The following MME variants were observed in gnomAD, a reference collection of about 807,000 sequenced individuals.
The protein encoded by MME is neprilysin.
MME carries 98 observed loss-of-function variants against 113.2 expected under a neutral mutation model. That is an observed-to-expected ratio of 0.87 (90% confidence interval 0.74 to 1.02). The LOEUF is 1.02. Among genes scored for constraint, MME ranks in the 50% least tolerant of loss-of-function variants. MME has a pLI of 0.00. For missense variants in MME, 836 were observed against 896.0 expected (o/e 0.93, Z 0.86); for synonymous variants, 292 against 300.6 (o/e 0.97, Z 0.30).
chr3:155,156,869 T>C (rs572224021), intron 16 of MME, among the ~76,000 whole-genome samples: 11 of 152,068 alleles, frequency 7.2e-5, no homozygotes, highest in Non-Finnish European at 1.0e-4. Context: ...GTTTTTAAGT[T>C]ACACAAGAGT....
chr3:155,157,094 C>G (rs1051928094), intron 16 of MME, among the ~76,000 whole-genome samples: 5 of 152,098 alleles, frequency 3.3e-5, no homozygotes, highest in African/African-American at 1.2e-4. Flanking sequence ...TATTCCCCAC[C>G]CACATTGTTA....
At chr3:155,071,953 A>C (rs1714576940) in intron 1 of MME, among the ~76,000 whole-genome samples, 2 of 151,936 alleles carry the variant, frequency 1.3e-5, no homozygotes, top group South Asian at 4.2e-4. Context: ...TGAGGTCAGG[A>C]GATAGAGACC....
intron 1 of MME, among the ~76,000 whole-genome samples, chr3:155,037,928 G>A (rs1713178045): frequency 6.6e-6 from 1 of 152,154 alleles, no homozygotes; most frequent in African/African-American, 2.4e-5. Flanking sequence ...CTCTTTAGCT[G>A]CGTGTGTGTT....
At chr3:155,113,939 T>A (rs1426428006) in intron 3 of MME, among the ~76,000 whole-genome samples, 1 of 152,050 alleles carries the variant, frequency 6.6e-6, no homozygotes, top group Non-Finnish European at 1.5e-5. Context: ...CAAGCAAACA[T>A]GCCAAAAAAG....
intron 3 of MME, among the ~76,000 whole-genome samples, chr3:155,086,013 A>G: frequency 6.6e-6 from 1 of 152,208 alleles, no homozygotes; most frequent in East Asian, 1.9e-4. Context: ...GTAATACAGG[A>G]GAAACAGATA....
rs1254574794 is a variant in MME at position 155,174,537 on chromosome 3, T to TA, written c.2153+1932dup. 4.6e-5 allele frequency among the ~76,000 whole-genome samples: 7 copies of TA among 152,174 alleles called. No homozygotes were observed. The South Asian group carries it at 1.0e-3, about 23-fold the overall frequency. Reference sequence around the variant, plus strand: ...GCTGTACAAAGTAAAACATATTTTTTAAAAAAACTTTAAAAATTAATAGAT... The same window carrying TA: ...GCTGTACAAAGTAAAACATATTTTTTAAAAAAAACTTTAAAAATTAATAGAT... On this transcript the variant is annotated intron_variant, in intron 22 of 22. Coordinates refer to ENST00000360490, the MANE Select transcript of MME (RefSeq NM_007289.4).
intron 1 of MME, among the ~76,000 whole-genome samples, chr3:155,071,707 G>GA (rs1714562789): frequency 1.3e-5 from 2 of 152,136 alleles, no homozygotes. Context: ...CTATCTCAAT[G>GA]AAGTGACAGA....
In MME at chr3:155,180,642, A is replaced by AG. The variant is rs759532368; in HGVS notation, c.*188dup. 21 of 619,958 alleles carry AG rather than the reference A, an allele frequency of 3.4e-5. No homozygotes were observed. The highest frequency in any genetic ancestry group is 5.3e-5 in the Non-Finnish European group (18 of 337,948). 38.4% of individuals were successfully genotyped at this position (619,958 alleles called of 1,614,324 possible). A position where few individuals can be genotyped will look rare whatever the true frequency, so the allele number is the denominator to read the frequency against. ...TCCTAGAAAGGGTGTGGAGGGAGGAAGGGGGTCTAAGGTCTATCAAGTCAA... is the reference window on the plus strand; with the variant it reads ...TCCTAGAAAGGGTGTGGAGGGAGGAAGGGGGGTCTAAGGTCTATCAAGTCAA... On this transcript the variant is annotated 3_prime_UTR_variant, in exon 23 of 23. Coordinates refer to ENST00000360490, the MANE Select transcript of MME (RefSeq NM_007289.4).
intron 1 of MME, among the ~76,000 whole-genome samples, chr3:155,047,826 G>A (rs928910800): frequency 1.3e-5 from 2 of 152,124 alleles, no homozygotes; most frequent in Non-Finnish European, 2.9e-5. Flanking sequence ...GTAGAAGCCA[G>A]TCCGATTCAG....
intron 1 of MME, among the ~76,000 whole-genome samples, chr3:155,036,789 T>C (rs772932821): frequency 6.6e-6 from 1 of 152,154 alleles, no homozygotes; most frequent in Non-Finnish European, 1.5e-5. Context: ...ATAGTTTGTG[T>C]ATTTAATTTT....
chr3:155,077,522 T>A (rs1714789428), upstream of MME, among the ~76,000 whole-genome samples: 1 of 152,160 alleles, frequency 6.6e-6, no homozygotes, highest in Non-Finnish European at 1.5e-5. Flanking sequence ...AGATTTAGCA[T>A]TCTTGATTTA....
In MME at chr3:155,142,032, T is replaced by C. The variant is rs747408124; in HGVS notation, c.999T>C (p.Thr333=). The stretch of plus-strand genomic sequence containing the variant: ...ATTTCACAAATGAAATCATGTCAAC[T>C]GTGAATATTAGTATTACAAATGAGG... ...WLNFTNEIMS[T]VNISITNEED... The change falls in exon 11 of 23, where the codon ACT becomes ACC. Residue 333 remains threonine, a synonymous_variant. Coordinates refer to ENST00000360490, the MANE Select transcript of MME (RefSeq NM_007289.4). The C allele has an allele frequency of 1.2e-6, 2 of 1,613,710 alleles. No individual in the cohort carries two copies. Among genetic ancestry groups the C allele is most frequent in the East Asian group, 2.2e-5 (1 of 44,860 alleles).
At chr3:155,171,403 TA>T (rs1711956308) in intron 20 of MME, among the ~76,000 whole-genome samples, 1 of 152,156 alleles carries the variant, frequency 6.6e-6, no homozygotes, top group Admixed American at 6.5e-5. Context: ...TCCTTTGTAT[TA>T]AATTGGAAAT....
intron 3 of MME, among the ~76,000 whole-genome samples, chr3:155,100,911 T>G (rs1046512752): frequency 2.0e-5 from 3 of 152,192 alleles, no homozygotes; most frequent in African/African-American, 7.2e-5. Context: ...TGATGTAGCT[T>G]GGATATTTGT....
At chr3:155,103,022 C>T (rs1717389903) in intron 3 of MME, among the ~76,000 whole-genome samples, 1 of 152,186 alleles carries the variant, frequency 6.6e-6, no homozygotes, top group Non-Finnish European at 1.5e-5. Context: ...GTTGAATGGC[C>T]AACGGAATGA....
At chr3:155,179,613 A>G (rs1185529819) in intron 22 of MME, among the ~76,000 whole-genome samples, 1 of 152,080 alleles carries the variant, frequency 6.6e-6, no homozygotes, top group East Asian at 1.9e-4. Context: ...GCAGGAGGAG[A>G]AGGGAAGGAG....
intron 20 of MME, among the ~76,000 whole-genome samples, chr3:155,169,882 C>T (rs1030855748): frequency 2.0e-5 from 3 of 152,008 alleles, no homozygotes; most frequent in Admixed American, 1.3e-4. Flanking sequence ...ACTGATGGGG[C>T]CTGCAGTTTG....
intron 3 of MME, among the ~76,000 whole-genome samples, chr3:155,110,518 A>G (rs1258284224): frequency 1.3e-5 from 2 of 152,220 alleles, no homozygotes; most frequent in Non-Finnish European, 2.9e-5. Context: ...TTAAATTCCT[A>G]TAGTCAAATA....
intron 1 of MME, among the ~76,000 whole-genome samples, chr3:155,051,398 G>A (rs371617639): frequency 6.6e-6 from 1 of 152,174 alleles, no homozygotes; most frequent in East Asian, 1.9e-4. Flanking sequence ...TTTTCACACT[G>A]CTGTAAAGAC....
Sources: allele counts gnomAD v4.1 joint callset (sites outside exome capture counted in the v4.1 genomes callset), GRCh38; gene constraint gnomAD v4.1.1; transcripts MANE v1.5; gene names NCBI Gene and HGNC (gene_info 2026-07-23, HGNC 2026-07-21).